The following POLDIP3 variants were observed in gnomAD, a reference collection of about 807,000 sequenced individuals.
The protein encoded by POLDIP3 is DNA polymerase delta interacting protein 3, also known as polymerase delta-interacting protein 3.
A neutral mutation model predicts 45.1 loss-of-function variants in POLDIP3; 14 were observed. The ratio of observed to expected loss-of-function variants is 0.31; its 90% CI spans 0.20 to 0.49. POLDIP3 has a LOEUF of 0.49. POLDIP3 is among the 20% of genes least tolerant of loss of function. The pLI is 0.99. For synonymous variants in POLDIP3, 223 were observed against 205.2 expected (o/e 1.09, Z -0.74); for missense variants, 511 against 538.8 (o/e 0.95, Z 0.51).
intron 1 of POLDIP3, among the ~76,000 whole-genome samples, chr22:42,604,023 T>TC (rs1441846868): frequency 6.6e-6 from 1 of 152,150 alleles, no homozygotes; most frequent in Non-Finnish European, 1.5e-5. Context: ...CTACAGTGGC[T>TC]TGAAAGTGAA....
rs58178482 is a variant in POLDIP3 at position 42,587,376 on chromosome 22, C to T, written c.1088+130G>A. On this transcript the variant is annotated intron_variant, in intron 8 of 8. Coordinates refer to ENST00000252115, the MANE Select transcript of POLDIP3 (RefSeq NM_032311.5). ...GTCAAGTTTAAGCATATGAAACGGCCAGCTGCCATTAGAACAGAGGAAACG... is the reference window on the plus strand; with the variant it reads ...GTCAAGTTTAAGCATATGAAACGGCTAGCTGCCATTAGAACAGAGGAAACG... The T allele has an allele frequency of 4.1e-3, 3,973 of 965,432 alleles. 92 individuals carry two copies. In the African/African-American group the frequency reaches 0.053, roughly 13 times the overall value. The allele number at this position is 965,432 out of a possible 1,614,324, so 59.8% of individuals were successfully genotyped here. A position where few individuals can be genotyped will look rare whatever the true frequency, so the allele number is the denominator to read the frequency against.
In POLDIP3 at chr22:42,589,328, C is replaced by G. The variant is rs149219683; in HGVS notation, c.1022-1756G>C. 2.7e-3 allele frequency among the ~76,000 whole-genome samples: 410 copies of G among 151,468 alleles called. 4 individuals are homozygous for G. Among genetic ancestry groups the G allele is most frequent in the African/African-American group, 9.3e-3 (383 of 41,284 alleles). On this transcript the variant is annotated intron_variant, in intron 7 of 8. Transcript: ENST00000252115. The stretch of plus-strand genomic sequence containing the variant: ...GGTCTTTTACTTATTAGCTTATTAG[C>G]TATTAGTAATATAAAATGAAATATA...
At chr22:42,605,985 T>C (rs1926700297) in intron 1 of POLDIP3, among the ~76,000 whole-genome samples, 1 of 151,828 alleles carries the variant, frequency 6.6e-6, no homozygotes, top group Admixed American at 6.6e-5. Context: ...CTACTAAAAA[T>C]ACAAAAATTA....
chr22:42,613,115 A>C (rs1438098970), intron 1 of POLDIP3, among the ~76,000 whole-genome samples: 1 of 152,176 alleles, frequency 6.6e-6, no homozygotes, highest in African/African-American at 2.4e-5. Flanking sequence ...TGCAGTCAGA[A>C]ACTGGCGGAG....
At chr22:42,608,264 C>G (rs114316889) in intron 1 of POLDIP3, among the ~76,000 whole-genome samples, 4 of 114,560 alleles carry the variant, frequency 3.5e-5, no homozygotes, top group Admixed American at 2.6e-4. Context: ...CCCCCCCCCC[C>G]AAAAAAAAAT....
chr22:42,601,717 C>T (rs982294740), intron 3 of POLDIP3, among the ~76,000 whole-genome samples: 1 of 152,174 alleles, frequency 6.6e-6, no homozygotes, highest in African/African-American at 2.4e-5. Context: ...GCCGAGATTA[C>T]GCCACTGCAC....
chr22:42,611,411 T>C (rs1927108658), intron 1 of POLDIP3, among the ~76,000 whole-genome samples: 1 of 152,198 alleles, frequency 6.6e-6, no homozygotes, highest in Non-Finnish European at 1.5e-5. Flanking sequence ...ATGTGATCCT[T>C]GGGATCACAG....
intron 1 of POLDIP3, among the ~76,000 whole-genome samples, chr22:42,607,160 G>C (rs1038813881): frequency 2.0e-5 from 3 of 152,110 alleles, no homozygotes; most frequent in Non-Finnish European, 2.9e-5. Flanking sequence ...CTCTGATGCC[G>C]AGCCGAGGCT....
intron 7 of POLDIP3, among the ~76,000 whole-genome samples, chr22:42,589,242 CAAAA>C (rs548287361): frequency 1.5e-5 from 1 of 64,664 alleles, no homozygotes; most frequent in Non-Finnish European, 3.0e-5. Flanking sequence ...GACTCCGTCT[CAAAA>C]AAAAAAAAAA....
At chr22:42,591,925 G>A in intron 7 of POLDIP3, 30 bp downstream of exon 7, 1 of 1,613,674 alleles carries the variant, frequency 6.2e-7, no homozygotes, top group Non-Finnish European at 8.5e-7. Flanking sequence ...TGAGTGGGAG[G>A]GTCAGGGGAC....
intron 7 of POLDIP3, 25 bp from the exon 8 acceptor site, chr22:42,587,597 G>T: frequency 6.2e-7 from 1 of 1,602,032 alleles, no homozygotes; most frequent in Non-Finnish European, 8.6e-7. Context: ...AAAGAAAAAG[G>T]CTCTGCTATG....
intron 5 of POLDIP3, 95 bp from the exon 6 acceptor site, chr22:42,595,709 AG>A: frequency 8.8e-7 from 1 of 1,132,176 alleles, no homozygotes; most frequent in Non-Finnish European, 1.3e-6. Context: ...GAAGGCCCAG[AG>A]GAAAGCTCCA....
chr22:42,596,066 A>G, intron 5 of POLDIP3, 120 bp downstream of exon 5: 1 of 1,145,176 alleles, frequency 8.7e-7, no homozygotes, highest in Non-Finnish European at 1.3e-6. Flanking sequence ...TGGTTTGCTC[A>G]TCTGTAGAAT....
chr22:42,599,603 G>A (rs530005915), intron 4 of POLDIP3, 95 bp downstream of exon 4: 16 of 931,352 alleles, frequency 1.7e-5, no homozygotes, highest in South Asian at 4.2e-5. Flanking sequence ...GCGAGATGTC[G>A]TCTCAAAACA....
intron 1 of POLDIP3, among the ~76,000 whole-genome samples, chr22:42,607,171 G>A (rs1376749524): frequency 6.6e-6 from 1 of 152,174 alleles, no homozygotes; most frequent in African/African-American, 2.4e-5. Flanking sequence ...AGCCGAGGCT[G>A]GACTGTACTG....
chr22:42,611,655 G>A (rs1399131269), intron 1 of POLDIP3, among the ~76,000 whole-genome samples: 1 of 152,138 alleles, frequency 6.6e-6, no homozygotes. Context: ...CGGGTGGATC[G>A]TTTGAGGTCA....
chr22:42,589,681 G>A (rs1925546818), intron 7 of POLDIP3, among the ~76,000 whole-genome samples: 1 of 151,638 alleles, frequency 6.6e-6, no homozygotes, highest in Non-Finnish European at 1.5e-5. Context: ...CCATCTCTAC[G>A]AAAAATACAA....
rs1031696954 is a variant in POLDIP3 at position 42,587,442 on chromosome 22, C to T, written c.1088+64G>A. ...GGGGAGCTGTGATGCAGGCAGTTTA[C>T]CCATTAGAACAAAAAGAGATGGACG... On this transcript the variant is annotated intron_variant, in intron 8 of 8. Transcript: ENST00000252115. 8 of 1,476,860 alleles carry T rather than the reference C, an allele frequency of 5.4e-6. No individual in the cohort carries two copies. In the Admixed American group the frequency reaches 1.4e-4, roughly 26 times the overall value. The allele number at this position is 1,476,860 out of a possible 1,614,324, so 91.5% of individuals were successfully genotyped here. A position where few individuals can be genotyped will look rare whatever the true frequency, so the allele number is the denominator to read the frequency against.
chr22:42,614,792 C>T lies in POLDIP3; in HGVS notation c.59+7G>A, dbSNP rs374062596. On this transcript the variant is annotated splice_region_variant and intron_variant, in intron 1 of 8. Transcript: ENST00000252115. Reference sequence around the variant, plus strand: ...CCTAAACCCCGAAGAAAGGAAAGGCCTCTCACCGTCCTTTCGCCGCCGCCC... The same window carrying T: ...CCTAAACCCCGAAGAAAGGAAAGGCTTCTCACCGTCCTTTCGCCGCCGCCC... 114 of 1,614,038 alleles carry T rather than the reference C, an allele frequency of 7.1e-5. No individual in the cohort carries two copies. The highest frequency in any genetic ancestry group is 3.3e-4 in the Middle Eastern group (2 of 6,060).
Sources: gnomAD v4.1 joint callset for allele counts (sites outside exome capture counted in the v4.1 genomes callset) on GRCh38, gnomAD v4.1.1 for gene constraint, MANE v1.5 for transcripts, NCBI Gene and HGNC (gene_info 2026-07-23, HGNC 2026-07-21) for gene names.